Variants in GATAD2A observed in about 807,000 individuals in gnomAD.
GATAD2A encodes the protein GATA zinc finger domain containing 2A, also known as transcriptional repressor p66-alpha.
A neutral mutation model predicts 68.5 loss-of-function variants in GATAD2A; 12 were observed. The ratio of observed to expected loss-of-function variants is 0.18; its 90% CI spans 0.11 to 0.28. GATAD2A has a LOEUF of 0.28. Ranked by LOEUF, GATAD2A falls within the 10% of genes least tolerant of loss-of-function variation. The pLI is 1.00. For missense variants in GATAD2A, 755 were observed against 868.5 expected (o/e 0.87, Z 1.64); for synonymous variants, 410 against 375.3 (o/e 1.09, Z -1.07).
Position 19,498,290 on chromosome 19 carries a change from C to T in GATAD2A, c.925-153C>T, listed in dbSNP as rs554728175. On this transcript the variant is annotated intron_variant, in intron 7 of 11. Coordinates refer to ENST00000683918, the MANE Select transcript of GATAD2A (RefSeq NM_001384528.1). ...TCCCTGCTGCCCTGGCTTCTGAGAG[C>T]CTGTTATCATGGCTGGGTTCACTTT... is the stretch of plus-strand genomic sequence containing the variant. 2.6e-5 allele frequency among the ~76,000 whole-genome samples: 4 copies of T among 152,370 alleles called. No homozygotes were observed. In the South Asian group the frequency reaches 8.3e-4, roughly 32 times the overall value.
chr19:19,468,868 A>T (rs1451948477), intron 2 of GATAD2A, among the ~76,000 whole-genome samples: 1 of 152,226 alleles, frequency 6.6e-6, no homozygotes, highest in East Asian at 1.9e-4. Flanking sequence ...GAAATGGTAA[A>T]TGCATGGGTT....
chr19:19,435,500 C>T (rs908951668), intron 1 of GATAD2A, among the ~76,000 whole-genome samples: 2 of 152,232 alleles, frequency 1.3e-5, no homozygotes, highest in Non-Finnish European at 2.9e-5. Context: ...GTTGGGACTA[C>T]AGGCGTGAGC....
At chr19:19,399,102 T>A (rs2049502102) in intron 1 of GATAD2A, among the ~76,000 whole-genome samples, 2 of 152,134 alleles carry the variant, frequency 1.3e-5, no homozygotes, top group South Asian at 4.1e-4. Context: ...CCCACGCCTG[T>A]AATCTCAGCT....
chr19:19,495,291 G>A (rs193019329), intron 5 of GATAD2A, among the ~76,000 whole-genome samples: 6 of 150,372 alleles, frequency 4.0e-5, no homozygotes, highest in East Asian at 4.0e-4. Context: ...ACCACACCCA[G>A]CCAGCTTTTT....
intron 1 of GATAD2A, among the ~76,000 whole-genome samples, chr19:19,390,949 C>T (rs891080508): frequency 7.2e-5 from 11 of 152,028 alleles, no homozygotes; most frequent in African/African-American, 2.7e-4. Flanking sequence ...TTAGTGCCCA[C>T]GAGGAGATCA....
chr19:19,451,796 C>T (rs2056413991), intron 1 of GATAD2A, among the ~76,000 whole-genome samples: 1 of 152,194 alleles, frequency 6.6e-6, no homozygotes, highest in South Asian at 2.1e-4. Flanking sequence ...GCTGATTGCT[C>T]TTGAGAACTA....
intron 1 of GATAD2A, among the ~76,000 whole-genome samples, chr19:19,459,015 A>G (rs1266609644): frequency 1.3e-5 from 2 of 152,110 alleles, no homozygotes; most frequent in Non-Finnish European, 2.9e-5. Context: ...TATGTTGCCC[A>G]GCCTGGACTC....
intron 1 of GATAD2A, among the ~76,000 whole-genome samples, chr19:19,435,715 T>C (rs1402251883): frequency 6.6e-6 from 1 of 151,998 alleles, no homozygotes; most frequent in Non-Finnish European, 1.5e-5. Flanking sequence ...CCGGGCATAG[T>C]GGTGGGTGCC....
chr19:19,490,652 CG>C (rs1568331298), intron 2 of GATAD2A, among the ~76,000 whole-genome samples: 3 of 152,094 alleles, frequency 2.0e-5, no homozygotes, highest in African/African-American at 7.2e-5. Flanking sequence ...GAGGCCGAGG[CG>C]GGCGGATCAT....
intron 1 of GATAD2A, among the ~76,000 whole-genome samples, chr19:19,407,591 C>A (rs1334328134): frequency 1.3e-5 from 2 of 152,170 alleles, no homozygotes; most frequent in African/African-American, 4.8e-5. Flanking sequence ...ATTTCCCTGG[C>A]GCTTCTAAAA....
At position 19,420,739 on chromosome 19, in the gene GATAD2A, G is replaced by A. The variant is rs549859372; in HGVS notation, c.-7+14720G>A. Among the ~76,000 whole-genome samples, 55 of 152,172 alleles carry A rather than the reference G, an allele frequency of 3.6e-4. No homozygotes were observed. The South Asian group carries it at 5.4e-3, about 15-fold the overall frequency. Reference sequence around the variant, plus strand: ...TGCTGATAACAGTGTGGGTTCCATCGTGTGAAGTGTGGGTACGATGACAGT... The same window carrying A: ...TGCTGATAACAGTGTGGGTTCCATCATGTGAAGTGTGGGTACGATGACAGT... On this transcript the variant is annotated intron_variant, in intron 1 of 11. Coordinates refer to ENST00000683918, the MANE Select transcript of GATAD2A (RefSeq NM_001384528.1).
chr19:19,496,386 A>G (rs112553051), intron 7 of GATAD2A, among the ~76,000 whole-genome samples, 167 bp downstream of exon 7: 14 of 152,266 alleles, frequency 9.2e-5, no homozygotes, highest in African/African-American at 3.4e-4. Flanking sequence ...CCTGGGGGCC[A>G]CAGGGCTGTC....
chr19:19,486,632 G>C (rs1439038461), intron 2 of GATAD2A, among the ~76,000 whole-genome samples: 1 of 152,242 alleles, frequency 6.6e-6, no homozygotes, highest in East Asian at 1.9e-4. Flanking sequence ...GACGCAGGCT[G>C]TCGGGGCAAA....
Position 19,501,979 on chromosome 19 carries a change from C to T in GATAD2A, c.1514C>T (p.Pro505Leu). ...CCCCCGTTTGTGTAGGTCATAAAAC[C>T]CCGGCGTAAGTTGGCGTTCCGCTCA... ...PHPVLKQVIK[P>L]RRKLAFRSGE... is the part of the protein sequence containing the mutation. Residue 505 changes from proline to leucine, a missense_variant, in exon 10 of 12, where the codon CCC (proline) becomes CTC (leucine). Pro to Leu is a moderately conservative substitution (Grantham distance 98). Coordinates refer to ENST00000683918, the MANE Select transcript of GATAD2A (RefSeq NM_001384528.1). 2 of 1,613,872 alleles carry T rather than the reference C, an allele frequency of 1.2e-6. No individual in the cohort carries two copies. The highest frequency in any genetic ancestry group is 2.2e-5 in the East Asian group (1 of 44,872).
chr19:19,479,074 A>C (rs1010551757), intron 2 of GATAD2A, among the ~76,000 whole-genome samples: 1 of 152,142 alleles, frequency 6.6e-6, no homozygotes. Flanking sequence ...GAGCGTTTCC[A>C]TAGGCTTTTT....
rs1174584235 is a variant in GATAD2A at position 19,501,354 on chromosome 19, G to T, written c.1441G>T (p.Gly481Cys). The T allele has an allele frequency of 2.5e-6, 4 of 1,611,860 alleles. No homozygotes were observed. Among genetic ancestry groups the T allele is most frequent in the Admixed American group, 3.3e-5 (2 of 59,916 alleles). Reference protein sequence around the residue: ...QEIEQRLLQQGTAPAQAKAEP... With the variant: ...QEIEQRLLQQCTAPAQAKAEP... ...GATTGAGCAGCGGCTCCTGCAGCAG[G>T]GCACGGCCCCTGCACAGGCCAAGGC... The change falls in exon 9 of 12, where the codon GGC becomes TGC. Residue 481 changes from glycine to cysteine, a missense_variant. Physicochemically the swap from Gly to Cys is radical, Grantham distance 159. Coordinates refer to ENST00000683918, the MANE Select transcript of GATAD2A (RefSeq NM_001384528.1).
At chr19:19,496,647 T>C (rs1039920057) in intron 7 of GATAD2A, among the ~76,000 whole-genome samples, 2 of 152,208 alleles carry the variant, frequency 1.3e-5, no homozygotes, top group Non-Finnish European at 2.9e-5. Flanking sequence ...CTTCTTCCGA[T>C]TGCCTCCTCA....
intron 1 of GATAD2A, among the ~76,000 whole-genome samples, chr19:19,460,284 G>A (rs1214904530): frequency 6.6e-6 from 1 of 152,202 alleles, no homozygotes; most frequent in Non-Finnish European, 1.5e-5. Context: ...GCCCATCTGT[G>A]CTGTGCATCA....
chr19:19,497,381 C>G (rs928708489), intron 7 of GATAD2A, among the ~76,000 whole-genome samples: 5 of 152,262 alleles, frequency 3.3e-5, no homozygotes, highest in Non-Finnish European at 7.3e-5. Flanking sequence ...CAGGCGTGAG[C>G]CACCACATCC....
Sources: gnomAD v4.1 joint callset for allele counts (sites outside exome capture counted in the v4.1 genomes callset) on GRCh38, gnomAD v4.1.1 for gene constraint, MANE v1.5 for transcripts, NCBI Gene and HGNC (gene_info 2026-07-23, HGNC 2026-07-21) for gene names.